The following RELN variants were observed in gnomAD, a reference collection of about 807,000 sequenced individuals.
The protein encoded by RELN is reelin.
A neutral mutation model predicts 427.6 loss-of-function variants in RELN; 108 were observed. The observed-to-expected ratio is 0.25, with a 90% CI of 0.22 to 0.30. The LOEUF (loss-of-function observed/expected upper bound fraction) is 0.30, where lower values mean the gene tolerates loss of function less well. RELN is among the 10% of genes least tolerant of loss of function. The pLI is 1.00. For missense variants in RELN, 3,715 were observed against 4,302.8 expected, an observed-to-expected ratio of 0.86 and a Z score of 3.82; for synonymous variants, 1,524 against 1,513.4, an observed-to-expected ratio of 1.01 and a Z score of -0.16.
intron 1 of RELN, among the ~76,000 whole-genome samples, chr7:103,949,022 C>CAAAAAAAAA (rs66678362): frequency 1.1e-5 from 1 of 88,884 alleles, no homozygotes; most frequent in African/African-American, 4.7e-5. Context: ...ACATTGTCTC[C>CAAAAAAAAA]AAAAAAAAAA....
chr7:103,795,841 G>A (rs1203140995), intron 3 of RELN, among the ~76,000 whole-genome samples: 1 of 152,156 alleles, frequency 6.6e-6, no homozygotes, highest in Non-Finnish European at 1.5e-5. Flanking sequence ...TAGCAACAAG[G>A]AATACCATTT....
At chr7:103,609,193 A>T (rs1476750647) in intron 22 of RELN, among the ~76,000 whole-genome samples, 2 of 147,304 alleles carry the variant, frequency 1.4e-5, no homozygotes, top group African/African-American at 2.5e-5. Context: ...ACTGCACTCC[A>T]GCCTGGGTGA....
At chr7:103,679,169 A>C (rs1833602320) in intron 11 of RELN, among the ~76,000 whole-genome samples, 1 of 152,200 alleles carries the variant, frequency 6.6e-6, no homozygotes, top group Admixed American at 6.5e-5. Flanking sequence ...CCCCCAACAC[A>C]TACAAGCACA....
At chr7:103,512,130 CAG>C (rs1349965076) in intron 50 of RELN, among the ~76,000 whole-genome samples, 21 of 148,520 alleles carry the variant, frequency 1.4e-4, no homozygotes, top group African/African-American at 5.3e-4. Flanking sequence ...TTTTGCATGA[CAG>C]AAACTTTATA....
chr7:103,695,774 C>A (rs930113687), intron 10 of RELN, among the ~76,000 whole-genome samples: 1 of 152,064 alleles, frequency 6.6e-6, no homozygotes, highest in Non-Finnish European at 1.5e-5. Context: ...AGCAGAAATT[C>A]CTCTTTTAAT....
At chr7:103,895,411 T>C (rs1321036080) in intron 2 of RELN, among the ~76,000 whole-genome samples, 1 of 152,138 alleles carries the variant, frequency 6.6e-6, no homozygotes, top group Non-Finnish European at 1.5e-5. Flanking sequence ...TCTGCCTAGT[T>C]TACCATCTGT....
chr7:103,511,138 A>G (rs930806323), intron 50 of RELN, 133 bp from the exon 51 acceptor site: 2 of 692,704 alleles, frequency 2.9e-6, no homozygotes, highest in African/African-American at 1.8e-5. Flanking sequence ...TAGACAAAAC[A>G]CTAATATAAA....
In RELN at chr7:103,532,357, C is replaced by G. The variant is rs115278177; in HGVS notation, c.7349+2959G>C. Among the ~76,000 whole-genome samples the G allele has an allele frequency of 2.0e-3, 302 of 152,074 alleles. 4 individuals are homozygous for G. Among genetic ancestry groups the G allele is most frequent in the African/African-American group, 6.9e-3 (288 of 41,468 alleles). On this transcript the variant is annotated intron_variant, in intron 46 of 64. Coordinates refer to ENST00000428762, the MANE Select transcript of RELN (RefSeq NM_005045.4). Reference sequence around the variant, plus strand: ...AGCTAATGGATGCTGGGCTTAGTACCTAAGTGACTGGATGACCTGTGCAGC... The same window carrying G: ...AGCTAATGGATGCTGGGCTTAGTACGTAAGTGACTGGATGACCTGTGCAGC...
chr7:103,746,144 C>G (rs1172413718), intron 6 of RELN, among the ~76,000 whole-genome samples: 1 of 152,012 alleles, frequency 6.6e-6, no homozygotes, highest in Non-Finnish European at 1.5e-5. Flanking sequence ...TTTGACAAAC[C>G]TGACAAAAAC....
intron 31 of RELN, among the ~76,000 whole-genome samples, chr7:103,570,171 A>G: frequency 6.6e-6 from 1 of 152,218 alleles, no homozygotes; most frequent in East Asian, 1.9e-4. Context: ...TACTAAAAGG[A>G]TCCTCAGGGA....
chr7:103,698,932 CAT>C lies in RELN; in HGVS notation c.903-841_903-840del, dbSNP rs563066979. Reference sequence around the variant, plus strand: ...TTTATTTCTACTAACCAGATGTTTTCATATGTTTAGTCTATATGAAATGTGAG... The same window carrying C: ...TTTATTTCTACTAACCAGATGTTTTCATGTTTAGTCTATATGAAATGTGAG... On this transcript the variant is annotated intron_variant, in intron 9 of 64. Transcript: ENST00000428762. Among the ~76,000 whole-genome samples the C allele has an allele frequency of 4.7e-3, 711 of 152,238 alleles. 4 individuals carry two copies. The highest frequency in any genetic ancestry group is 6.6e-3 in the Non-Finnish European group (450 of 68,010).
chr7:103,717,912 GA>G, intron 8 of RELN, among the ~76,000 whole-genome samples: 1 of 152,290 alleles, frequency 6.6e-6, no homozygotes, highest in Admixed American at 6.5e-5. Flanking sequence ...AAAGAGTTGA[GA>G]GAGAATTTCT....
chr7:103,849,975 C>T (rs990540196), intron 2 of RELN, among the ~76,000 whole-genome samples: 5 of 152,158 alleles, frequency 3.3e-5, no homozygotes, highest in African/African-American at 1.2e-4. Flanking sequence ...TTTTCCTATG[C>T]AACTCCTTCC....
intron 10 of RELN, among the ~76,000 whole-genome samples, chr7:103,682,633 A>G (rs1216103262): frequency 3.9e-5 from 6 of 152,228 alleles, no homozygotes; most frequent in Admixed American, 1.3e-4. Context: ...GCTAAATAGC[A>G]TTGACCTTTT....
intron 17 of RELN, among the ~76,000 whole-genome samples, chr7:103,636,989 G>C (rs749864980): frequency 2.6e-5 from 4 of 152,080 alleles, no homozygotes; most frequent in Non-Finnish European, 5.9e-5. Flanking sequence ...GTACACCCTT[G>C]ACCTAGATAG....
chr7:103,801,090 G>A (rs1217872240), intron 3 of RELN, among the ~76,000 whole-genome samples: 1 of 152,182 alleles, frequency 6.6e-6, no homozygotes, highest in Admixed American at 6.5e-5. Flanking sequence ...AAGAGATGCT[G>A]GAGAGGAGGT....
intron 2 of RELN, among the ~76,000 whole-genome samples, chr7:103,873,650 A>G (rs1314973515): frequency 1.5e-5 from 2 of 133,262 alleles, no homozygotes; most frequent in Non-Finnish European, 3.2e-5. Context: ...CCCAAGACTA[A>G]ACCAGGAAGA....
chr7:103,826,167 CATGTTATG>C (rs71867218), intron 3 of RELN, among the ~76,000 whole-genome samples: 48,776 of 151,570 alleles, frequency 0.32, 8,202 homozygotes, highest in Admixed American at 0.42. Flanking sequence ...TGCCTTCCAC[CATGTTATG>C]ACACAGGAAG....
intron 1 of RELN, among the ~76,000 whole-genome samples, chr7:103,979,723 A>G (rs1318520483): frequency 6.6e-6 from 1 of 152,230 alleles, no homozygotes; most frequent in South Asian, 2.1e-4. Context: ...CATTTACTGG[A>G]ATTTCCTAAA....
Sources: gnomAD v4.1 joint callset for allele counts (sites outside exome capture counted in the v4.1 genomes callset) on GRCh38, gnomAD v4.1.1 for gene constraint, MANE v1.5 for transcripts, NCBI Gene and HGNC (gene_info 2026-07-23, HGNC 2026-07-21) for gene names.